Variants in PPP4R1 observed in about 807,000 individuals in gnomAD.
PPP4R1 encodes serine/threonine-protein phosphatase 4 regulatory subunit 1.
A neutral mutation model predicts 111.2 loss-of-function variants in PPP4R1; 42 were observed. That is an observed-to-expected ratio of 0.38 (90% CI 0.29 to 0.49). The LOEUF (loss-of-function observed/expected upper bound fraction) is 0.49. Ranked by LOEUF, PPP4R1 falls within the 20% of genes least tolerant of loss-of-function variation. The probability of loss-of-function intolerance (pLI) is 0.97; values close to 1 mark genes in which losing one functional copy is unlikely to be tolerated. For synonymous variants in PPP4R1, 409 were observed against 405.5 expected, an observed-to-expected ratio of 1.01 and a Z score of -0.10; for missense variants, 1,012 against 1,161.6, an observed-to-expected ratio of 0.87 and a Z score of 1.87.
At chr18:9,585,375 G>A (rs1414024004) in intron 6 of PPP4R1, among the ~76,000 whole-genome samples, 1 of 152,184 alleles carries the variant, frequency 6.6e-6, no homozygotes, top group Non-Finnish European at 1.5e-5. Flanking sequence ...GGGAAAGCAT[G>A]AACACAGTTC....
At chr18:9,564,492 TA>T (rs961408191) in intron 11 of PPP4R1, among the ~76,000 whole-genome samples, 4 of 152,356 alleles carry the variant, frequency 2.6e-5, no homozygotes, top group Admixed American at 1.3e-4. Context: ...CTTGCTAACT[TA>T]AGAAAATTGA....
chr18:9,584,242 A>G lies in PPP4R1; in HGVS notation c.759+273T>C, dbSNP rs183881818. Among the ~76,000 whole-genome samples the G allele has an allele frequency of 1.9e-3, 287 of 152,350 alleles. 1 individual carries two copies. The highest frequency in any genetic ancestry group is 6.8e-3 in the Middle Eastern group (2 of 294). On this transcript the variant is annotated intron_variant, in intron 8 of 19. Transcript: ENST00000400556. ...GGGTTGCAATAAAATTAAAGGTTCA[A>G]TTGAATAAGTAAGAATTGATTTGCT...
chr18:9,595,119 C>T lies in PPP4R1; in HGVS notation c.87G>A (p.Val29=). 6.2e-7 allele frequency: 1 copy of T among 1,613,802 alleles called. No homozygotes were observed. The change falls in exon 3 of 20, where the codon GTG becomes GTA. Residue 29 remains valine, a synonymous_variant. Transcript: ENST00000400556. ...GVDDYSSESD[V]IIIPSALDFV... is the part of the protein sequence containing the mutation. ...AGTCCAGGGCTGAAGGTATAATAATCACATCAGACTCTGAGCTGTAGTCAT... is the reference window on the plus strand; with the variant it reads ...AGTCCAGGGCTGAAGGTATAATAATTACATCAGACTCTGAGCTGTAGTCAT...
chr18:9,570,247 T>C lies in PPP4R1; in HGVS notation c.1483A>G (p.Ser495Gly), dbSNP rs1215674442. 1 of 1,600,306 alleles carries C rather than the reference T, an allele frequency of 6.2e-7. No homozygotes were observed. Among genetic ancestry groups the C allele is most frequent in the Non-Finnish European group, 8.5e-7 (1 of 1,175,432 alleles). The change falls in exon 11 of 20, where the codon AGT becomes GGT. Residue 495 changes from serine (S) to glycine (G), a missense_variant. Transcript: ENST00000400556. ...GTGGCCATGGTGATGTTTGGAGAAC[T>C]GGGCACAGGGCCCTCAGATTCTTCC... ...PEEESEGPVP[S>G]SPNITMATRK...
intron 14 of PPP4R1, among the ~76,000 whole-genome samples, chr18:9,558,936 A>G (rs2066630577): frequency 6.6e-6 from 1 of 152,126 alleles, no homozygotes; most frequent in Non-Finnish European, 1.5e-5. Context: ...ATGAGGAGAG[A>G]GCAAGAACCA....
Position 9,550,191 on chromosome 18 carries a change from G to A in PPP4R1, c.2413-5C>T. 1 of 1,614,182 alleles carries A rather than the reference G, an allele frequency of 6.2e-7. No homozygotes were observed. Among genetic ancestry groups the A allele is most frequent in the East Asian group, 2.2e-5 (1 of 44,882 alleles). ...CTTCTTCACCATCTCGCTGACCTGG[G>A]AGGGTGAGCATGGAGAAATGAGGAA... On this transcript the variant is annotated splice_region_variant and splice_polypyrimidine_tract_variant and intron_variant, in intron 17 of 19. Coordinates refer to ENST00000400556, the MANE Select transcript of PPP4R1 (RefSeq NM_001042388.3).
intron 2 of PPP4R1, among the ~76,000 whole-genome samples, chr18:9,600,677 G>A (rs1485487943): frequency 1.3e-5 from 2 of 152,058 alleles, no homozygotes; most frequent in African/African-American, 4.8e-5. Flanking sequence ...AGTTTGAGAT[G>A]AGACCAGCCT....
At chr18:9,568,622 A>G (rs567850167) in intron 11 of PPP4R1, among the ~76,000 whole-genome samples, 1 of 152,366 alleles carries the variant, frequency 6.6e-6, no homozygotes, top group African/African-American at 2.4e-5. Context: ...CAATATTTCA[A>G]TTAATATTTA....
At chr18:9,581,685 C>T (rs1361755929) in intron 9 of PPP4R1, among the ~76,000 whole-genome samples, 3 of 152,016 alleles carry the variant, frequency 2.0e-5, no homozygotes, top group African/African-American at 4.8e-5. Flanking sequence ...ACTTTTCAAA[C>T]GTATTGAAAA....
intron 2 of PPP4R1, among the ~76,000 whole-genome samples, chr18:9,597,220 T>C (rs935489155): frequency 2.0e-5 from 3 of 152,186 alleles, no homozygotes; most frequent in African/African-American, 7.2e-5. Context: ...CAGTGATCTC[T>C]GAGAAAGAGA....
intron 19 of PPP4R1, among the ~76,000 whole-genome samples, chr18:9,548,808 C>T (rs1031550902): frequency 6.6e-6 from 1 of 152,172 alleles, no homozygotes; most frequent in Admixed American, 6.5e-5. Flanking sequence ...ATCCCAGCTA[C>T]TGGGGAGGCT....
At chr18:9,583,404 T>C in intron 8 of PPP4R1, 129 bp from the exon 9 acceptor site, 2 of 991,972 alleles carry the variant, frequency 2.0e-6, no homozygotes, top group Non-Finnish European at 2.8e-6. Context: ...TCTCACTCTT[T>C]TGCCCAGGCT....
intron 2 of PPP4R1, among the ~76,000 whole-genome samples, chr18:9,611,326 G>A (rs57356844): frequency 0.2 from 30,464 of 151,888 alleles, 3,387 homozygotes; most frequent in East Asian, 0.49. Flanking sequence ...TCAGGCTCAC[G>A]AGATAACAAC....
chr18:9,577,625 C>T (rs1246922654), intron 9 of PPP4R1, among the ~76,000 whole-genome samples: 2 of 152,152 alleles, frequency 1.3e-5, no homozygotes, highest in South Asian at 4.1e-4. Context: ...CGTGATCACA[C>T]CACTGTACTC....
At chr18:9,565,977 C>G (rs1056973561) in intron 11 of PPP4R1, among the ~76,000 whole-genome samples, 1 of 151,960 alleles carries the variant, frequency 6.6e-6, no homozygotes, top group African/African-American at 2.4e-5. Context: ...GTGGTGCAAT[C>G]TTGGCTCACT....
At chr18:9,555,997 CAAAAAA>C (rs71358236) in intron 15 of PPP4R1, among the ~76,000 whole-genome samples, 4 of 136,848 alleles carry the variant, frequency 2.9e-5, no homozygotes. Context: ...AACAAACAAA[CAAAAAA>C]ACACAAAATC....
chr18:9,561,927 A>G (rs1191943990), intron 13 of PPP4R1, 53 bp downstream of exon 13: 1 of 1,454,138 alleles, frequency 6.9e-7, no homozygotes, highest in Non-Finnish European at 9.7e-7. Flanking sequence ...AATGGGCTCT[A>G]AAAGAGGAAT....
At position 9,614,454 on chromosome 18, in the gene PPP4R1, C is replaced by G; in HGVS notation, c.7+24G>C. The G allele has an allele frequency of 9.7e-7, 1 of 1,030,078 alleles. No individual in the cohort carries two copies. Among genetic ancestry groups the G allele is most frequent in the Non-Finnish European group, 1.2e-6 (1 of 859,794 alleles). The allele number at this position is 1,030,078 out of a possible 1,614,324, so 63.8% of individuals were successfully genotyped here. A position where few individuals can be genotyped will look rare whatever the true frequency, so the allele number is the denominator to read the frequency against. On this transcript the variant is annotated intron_variant, in intron 1 of 19. Coordinates refer to ENST00000400556, the MANE Select transcript of PPP4R1 (RefSeq NM_001042388.3). The surrounding 1 kb of genome is among the most constrained non-coding windows in gnomAD (Gnocchi z 4.1). ...GGGTGGGCTCGAGGAGCCGCCGCCG[C>G]CCGGAGAACAGGGGGCCACGTACCC...
chr18:9,559,835 T>C (rs922456397), intron 13 of PPP4R1, among the ~76,000 whole-genome samples: 1 of 152,084 alleles, frequency 6.6e-6, no homozygotes, highest in African/African-American at 2.4e-5. Flanking sequence ...GAACAATGAA[T>C]AACATCTCAG....
Sources: gnomAD v4.1 joint callset for allele counts (sites outside exome capture counted in the v4.1 genomes callset) on GRCh38, gnomAD v4.1.1 for gene constraint, Gnocchi (gnomAD v3.1) non-coding constraint, MANE v1.5 for transcripts, NCBI Gene and HGNC (gene_info 2026-07-23, HGNC 2026-07-21) for gene names.